TMEM108: variants seen among roughly 807,000 people sequenced by gnomAD.
The protein encoded by TMEM108 is transmembrane protein 108.
A neutral mutation model predicts 35.1 loss-of-function variants in TMEM108; 12 were observed. The ratio of observed to expected loss-of-function variants is 0.34; its 90% CI spans 0.22 to 0.55. TMEM108 has a LOEUF of 0.55. Among genes scored for constraint, TMEM108 ranks in the 20% least tolerant of loss-of-function variants. The pLI, the probability that TMEM108 is intolerant of heterozygous loss-of-function variation, is 0.89. For missense variants in TMEM108, 680 were observed against 753.3 expected (o/e 0.90, Z 1.14); for synonymous variants, 287 against 308.6 (o/e 0.93, Z 0.73).
rs558320977 is a variant in TMEM108 at position 133,298,793 on chromosome 3, C to G, written c.40+69442C>G. 7.9e-5 allele frequency among the ~76,000 whole-genome samples: 12 copies of G among 152,280 alleles called. No individual in the cohort carries two copies. In the East Asian group the frequency reaches 2.1e-3, roughly 27 times the overall value. ...GTGTGCTCAGCTGTGCTCATAACCA[C>G]TATGCTATGCTGGCATTTTATTTAA... On this transcript the variant is annotated intron_variant, in intron 3 of 5. Transcript: ENST00000321871.
rs1368092334 is a variant in TMEM108, at chr3:133,272,303, GTGTGTGTGTT to G, written c.40+42954_40+42963del. The stretch of plus-strand genomic sequence containing the variant: ...TGTGTGTGTGTGTGTGTGTGTGTGT[GTGTGTGTGTT>G]TCCTAAAGGAGGACTTATTTTAATA... On this transcript the variant is annotated intron_variant, in intron 3 of 5. Coordinates refer to ENST00000321871, the MANE Select transcript of TMEM108 (RefSeq NM_023943.4). 5.9e-5 allele frequency among the ~76,000 whole-genome samples: 9 copies of G among 151,682 alleles called. No homozygotes were observed. The South Asian group carries it at 1.3e-3, about 21-fold the overall frequency.
chr3:133,249,541 A>G (rs1211061390), intron 3 of TMEM108, among the ~76,000 whole-genome samples: 1 of 152,170 alleles, frequency 6.6e-6, no homozygotes, highest in Non-Finnish European at 1.5e-5. Context: ...GCTCCCACTT[A>G]TAAGTGAGAA....
intron 3 of TMEM108, among the ~76,000 whole-genome samples, chr3:133,290,445 AC>A (rs1044397993): frequency 2.0e-5 from 3 of 151,754 alleles, no homozygotes; most frequent in Non-Finnish European, 4.4e-5. Flanking sequence ...ACATGACAAA[AC>A]CCCAGCTCTA....
At chr3:133,090,390 A>G (rs961764206) in intron 2 of TMEM108, among the ~76,000 whole-genome samples, 1 of 152,240 alleles carries the variant, frequency 6.6e-6, no homozygotes, top group Non-Finnish European at 1.5e-5. Flanking sequence ...ATTTAATTTA[A>G]AAGGGAACTA....
intron 2 of TMEM108, among the ~76,000 whole-genome samples, chr3:133,113,613 A>G (rs1363536218): frequency 6.6e-6 from 1 of 152,172 alleles, no homozygotes; most frequent in Non-Finnish European, 1.5e-5. Context: ...TTTAGGCCAA[A>G]TCAAAAATAT....
At chr3:133,101,359 A>G (rs1228404941) in intron 2 of TMEM108, among the ~76,000 whole-genome samples, 1 of 152,200 alleles carries the variant, frequency 6.6e-6, no homozygotes, top group African/African-American at 2.4e-5. Flanking sequence ...ACTGGTTTAC[A>G]TCAACAGCCT....
chr3:133,281,956 G>A (rs568937828), intron 3 of TMEM108, among the ~76,000 whole-genome samples: 2 of 152,178 alleles, frequency 1.3e-5, no homozygotes, highest in African/African-American at 4.8e-5. Context: ...AGGAGATCGA[G>A]ACCATCCTGG....
intron 2 of TMEM108, among the ~76,000 whole-genome samples, chr3:133,068,804 A>G (rs187129199): frequency 6.6e-6 from 1 of 152,264 alleles, no homozygotes; most frequent in East Asian, 1.9e-4. Flanking sequence ...GCACATAAGA[A>G]AACCGTTAGT....
At chr3:133,203,506 C>A (rs754294622) in intron 2 of TMEM108, among the ~76,000 whole-genome samples, 8 of 151,972 alleles carry the variant, frequency 5.3e-5, no homozygotes, top group African/African-American at 9.7e-5. Context: ...AGCGTGAATG[C>A]GTGTTGAATT....
At position 133,329,883 on chromosome 3, in the gene TMEM108, G is replaced by A. The variant is rs75775933; in HGVS notation, c.41-49869G>A. The stretch of plus-strand genomic sequence containing the variant: ...GAGAAGGGTTATAGGATAGTGTGTG[G>A]TTATATTCCCTCTACCTAGAGAGGA... On this transcript the variant is annotated intron_variant, in intron 3 of 5. Transcript: ENST00000321871. 7.7e-3 allele frequency among the ~76,000 whole-genome samples: 1,166 copies of A among 152,240 alleles called. 18 individuals carry two copies. Among genetic ancestry groups the A allele is most frequent in the African/African-American group, 0.027 (1,107 of 41,536 alleles).
chr3:133,177,718 C>T (rs1280891329), intron 2 of TMEM108, among the ~76,000 whole-genome samples: 1 of 151,160 alleles, frequency 6.6e-6, no homozygotes, highest in African/African-American at 2.4e-5. Flanking sequence ...ACTGAATGGG[C>T]AAAAACTGGA....
chr3:133,194,575 GT>G (rs397875801), intron 2 of TMEM108, among the ~76,000 whole-genome samples: 2,242 of 143,568 alleles, frequency 0.016, 34 homozygotes, highest in African/African-American at 0.051. Context: ...AAATTCCATG[GT>G]TTTTTTTTTT....
rs563039476 is a variant in TMEM108, at chr3:133,281,764, T to G, written c.40+52413T>G. On this transcript the variant is annotated intron_variant, in intron 3 of 5. Transcript: ENST00000321871. ...CTCTCTGGGCTTTGGTTACCTTCTC[T>G]ACTGCGTAAGAGGGTGGGTTTGATC... Among the ~76,000 whole-genome samples the G allele has an allele frequency of 3.0e-4, 46 of 152,334 alleles. 2 individuals carry two copies. The East Asian group carries it at 8.9e-3, about 29-fold the overall frequency.
intron 3 of TMEM108, among the ~76,000 whole-genome samples, chr3:133,360,616 T>C (rs1299675458): frequency 6.6e-6 from 1 of 152,212 alleles, no homozygotes; most frequent in Non-Finnish European, 1.5e-5. Context: ...CTGCTTCACC[T>C]GATTGAAGGT....
chr3:133,380,873 C>A lies in TMEM108; in HGVS notation c.1162C>A (p.His388Asn), dbSNP rs765463115. ...GASTTPQAPTHPSRVSESTIS... is the reference protein window; with the variant it reads ...GASTTPQAPTNPSRVSESTIS... ...ATCCACAACCCCACAAGCTCCAACCCATCCCTCCAGGGTCTCAGAAAGCAC... is the reference window on the plus strand; with the variant it reads ...ATCCACAACCCCACAAGCTCCAACCAATCCCTCCAGGGTCTCAGAAAGCAC... Residue 388 changes from histidine (H) to asparagine (N), a missense_variant, in exon 4 of 6, where the codon CAT becomes AAT. This residue lies in a region of TMEM108 where 526 missense variants were observed against 532.1 expected (regional missense o/e 0.99). Transcript: ENST00000321871. This position sits in a 1 kb window ranked among gnomAD's most constrained non-coding sequence, Gnocchi z 5.3. The A allele has an allele frequency of 1.2e-6, 2 of 1,614,214 alleles. No homozygotes were observed. Among genetic ancestry groups the A allele is most frequent in the Non-Finnish European group, 1.7e-6 (2 of 1,180,022 alleles).
intron 2 of TMEM108, among the ~76,000 whole-genome samples, chr3:133,184,473 C>A (rs1430621621): frequency 1.3e-5 from 2 of 152,110 alleles, no homozygotes; most frequent in Admixed American, 1.3e-4. Context: ...CTTTAAGATA[C>A]TTGCGAAGAA....
intron 3 of TMEM108, among the ~76,000 whole-genome samples, chr3:133,257,577 T>A (rs1427051193): frequency 9.2e-5 from 14 of 152,196 alleles, no homozygotes; most frequent in African/African-American, 1.2e-4. Flanking sequence ...ATTCAGTGAA[T>A]CTACTTGTCA....
intron 2 of TMEM108, among the ~76,000 whole-genome samples, chr3:133,202,195 C>A (rs540780025): frequency 1.3e-5 from 2 of 151,648 alleles, no homozygotes; most frequent in Admixed American, 1.3e-4. Context: ...ATTCTGGAGC[C>A]CTTTGTCAGA....
At chr3:133,378,822 T>TA (rs1329228809) in intron 3 of TMEM108, among the ~76,000 whole-genome samples, 1 of 132,692 alleles carries the variant, frequency 7.5e-6, no homozygotes, top group East Asian at 2.2e-4. Flanking sequence ...TTTTTTTTTT[T>TA]AATGTTCAAA....
Sources: gnomAD v4.1 joint callset for allele counts (sites outside exome capture counted in the v4.1 genomes callset) on GRCh38, gnomAD v4.1.1 for gene constraint, gnomAD v4.1.1 regional missense constraint, Gnocchi (gnomAD v3.1) non-coding constraint, MANE v1.5 for transcripts, NCBI Gene and HGNC (gene_info 2026-07-23, HGNC 2026-07-21) for gene names.